The following RHOBTB3 variants were observed in gnomAD, a reference collection of about 807,000 sequenced individuals.
RHOBTB3 encodes the protein Rho related BTB domain containing 3.
Under a neutral mutation model 67.2 loss-of-function variants are expected in RHOBTB3, and 47 were observed. The ratio of observed to expected loss-of-function variants is 0.70; its 90% CI spans 0.55 to 0.89. The LOEUF (loss-of-function observed/expected upper bound fraction) is 0.89, where lower values mean the gene tolerates loss of function less well. RHOBTB3 is among the 40% of genes least tolerant of loss of function. The pLI is 0.00. For synonymous variants in RHOBTB3, 273 were observed against 274.2 expected, an observed-to-expected ratio of 1.00 and a Z score of 0.04; for missense variants, 631 against 750.0, an observed-to-expected ratio of 0.84 and a Z score of 1.85.
At chr5:95,753,233 ATGTGTGTG>A (rs57615515) in intron 5 of RHOBTB3, among the ~76,000 whole-genome samples, 4,208 of 146,544 alleles carry the variant, frequency 0.029, 193 homozygotes, top group African/African-American at 0.095. Context: ...TGATGTGTGG[ATGTGTGTG>A]TGTGTGTGTG....
intron 3 of RHOBTB3, among the ~76,000 whole-genome samples, chr5:95,744,828 T>G (rs937640777): frequency 2.0e-5 from 3 of 152,144 alleles, no homozygotes; most frequent in African/African-American, 7.2e-5. Context: ...CCCAGCACTT[T>G]GGGTGACTGA....
intron 10 of RHOBTB3, among the ~76,000 whole-genome samples, chr5:95,786,789 A>T (rs576290004): frequency 6.6e-6 from 1 of 152,220 alleles, no homozygotes; most frequent in Middle Eastern, 3.4e-3. Context: ...ATGCCTTTTT[A>T]AAAATTCTGT....
rs770319652 is a variant in RHOBTB3 at position 95,780,444 on chromosome 5, G to C, written c.1456+19G>C. On this transcript the variant is annotated intron_variant, in intron 9 of 11. Transcript: ENST00000379982. ...TGCCCAGGTTAGCAATACAAATGTTGATAGTATCTCAGAATTCTTTCTTTC... is the reference window on the plus strand; with the variant it reads ...TGCCCAGGTTAGCAATACAAATGTTCATAGTATCTCAGAATTCTTTCTTTC... 3 of 1,602,706 alleles carry C rather than the reference G, an allele frequency of 1.9e-6. No homozygotes were observed. Among genetic ancestry groups the C allele is most frequent in the Middle Eastern group, 3.3e-4 (2 of 6,030 alleles).
chr5:95,784,255 A>G (rs542048774), intron 10 of RHOBTB3, among the ~76,000 whole-genome samples: 1 of 152,370 alleles, frequency 6.6e-6, no homozygotes, highest in South Asian at 2.1e-4. Context: ...ACTATGTCAC[A>G]TAGGCATTGT....
chr5:95,742,943 C>T (rs1044584854), intron 3 of RHOBTB3, among the ~76,000 whole-genome samples: 2 of 152,046 alleles, frequency 1.3e-5, no homozygotes, highest in Non-Finnish European at 2.9e-5. Context: ...TGCTGGCGGG[C>T]GCCTGTAGTC....
chr5:95,758,271 C>T (rs1263904010), intron 6 of RHOBTB3, among the ~76,000 whole-genome samples: 1 of 152,232 alleles, frequency 6.6e-6, no homozygotes, highest in Non-Finnish European at 1.5e-5. Flanking sequence ...AGTTATCCTT[C>T]TACCCTAGAC....
chr5:95,750,970 A>G (rs984754717), intron 4 of RHOBTB3, among the ~76,000 whole-genome samples: 24 of 152,210 alleles, frequency 1.6e-4, no homozygotes, highest in African/African-American at 4.3e-4. Flanking sequence ...ATGATGATGT[A>G]TTTGTCAAAA....
chr5:95,738,009 G>T (rs889156497), intron 3 of RHOBTB3, among the ~76,000 whole-genome samples: 2 of 152,188 alleles, frequency 1.3e-5, no homozygotes, highest in East Asian at 1.9e-4. Context: ...GCTAATTTCA[G>T]TTAGCATAAT....
intron 10 of RHOBTB3, 130 bp from the exon 11 acceptor site, chr5:95,788,631 AG>A: frequency 3.2e-6 from 2 of 619,056 alleles, no homozygotes; most frequent in Non-Finnish European, 5.6e-6. Flanking sequence ...GTATACTGAA[AG>A]CTGCATCAGG....
At chr5:95,770,391 AT>A (rs1292072539) in intron 8 of RHOBTB3, 1 of 227,656 alleles carries the variant, frequency 4.4e-6, no homozygotes, top group African/African-American at 2.3e-5. Context: ...AAAATAAAAA[AT>A]TGGTATAGAA....
chr5:95,749,365 T>C (rs1438705385), intron 4 of RHOBTB3, among the ~76,000 whole-genome samples: 1 of 152,226 alleles, frequency 6.6e-6, no homozygotes, highest in Non-Finnish European at 1.5e-5. Context: ...GTTCCACAGA[T>C]GACTACAGAA....
chr5:95,771,557 T>C (rs1745714607), intron 8 of RHOBTB3, among the ~76,000 whole-genome samples: 1 of 152,228 alleles, frequency 6.6e-6, no homozygotes, highest in African/African-American at 2.4e-5. Context: ...ACACAGACTT[T>C]ATATCATGCT....
At chr5:95,752,533 A>G (rs928404961) in intron 5 of RHOBTB3, among the ~76,000 whole-genome samples, 183 bp downstream of exon 5, 7 of 152,228 alleles carry the variant, frequency 4.6e-5, no homozygotes, top group Admixed American at 1.3e-4. Flanking sequence ...ATGCAAAAGC[A>G]GATTGGTACT....
rs372105539 is a variant in RHOBTB3, at chr5:95,748,396, A to G, written c.479A>G (p.Glu160Gly). 2 of 1,613,362 alleles carry G rather than the reference A, an allele frequency of 1.2e-6. No homozygotes were observed. The highest frequency in any genetic ancestry group is 2.7e-5 in the African/African-American group (2 of 74,924). The change falls in exon 4 of 12, where the codon GAA (glutamate) becomes GGA (glycine). Residue 160 changes from glutamate to glycine, a missense_variant. Coordinates refer to ENST00000379982, the MANE Select transcript of RHOBTB3 (RefSeq NM_014899.4). ...SDRGSCVSTT[E>G]GIQLAKELGA... is the part of the protein sequence containing the mutation. ...AGAGGGAGCTGTGTTAGTACAACTG[A>G]AGGGATCCAACTTGCAAAAGAACTA...
rs113420559 is a variant in RHOBTB3, at chr5:95,765,995, C to T, written c.1162-2051C>T. The stretch of plus-strand genomic sequence containing the variant: ...CTTTTTGACTGCTACTCTCGTTAAG[C>T]GTGGCGGTCACTTGACTCCCATGCC... On this transcript the variant is annotated intron_variant, in intron 7 of 11. Transcript: ENST00000379982. 1.7e-3 allele frequency among the ~76,000 whole-genome samples: 256 copies of T among 152,200 alleles called. 1 individual carries two copies. The highest frequency in any genetic ancestry group is 5.2e-3 in the African/African-American group (216 of 41,536).
At chr5:95,752,985 AGCCG>A (rs1227923505) in intron 5 of RHOBTB3, among the ~76,000 whole-genome samples, 1 of 152,098 alleles carries the variant, frequency 6.6e-6, no homozygotes, top group Non-Finnish European at 1.5e-5. Flanking sequence ...CAAAAAAATT[AGCCG>A]GGTGAGGTGG....
At position 95,755,742 on chromosome 5, in the gene RHOBTB3, C is replaced by G; in HGVS notation, c.1029C>G (p.Ile343Met). 1 of 1,613,616 alleles carries G rather than the reference C, an allele frequency of 6.2e-7. No individual in the cohort carries two copies. The highest frequency in any genetic ancestry group is 8.5e-7 in the Non-Finnish European group (1 of 1,179,958). Residue 343 changes from isoleucine (I) to methionine (M), a missense_variant, in exon 6 of 12, where the codon ATC (isoleucine) becomes ATG (methionine). Coordinates refer to ENST00000379982, the MANE Select transcript of RHOBTB3 (RefSeq NM_014899.4). ...TCTTCTGTTCTTGTTTATCAGACAT[C>G]CTTCGCTTCATTTATTCAGGTATCT... ...DALFCSCLSD[I>M]LRFIYSGAFQ...
chr5:95,755,074 T>C (rs545953117), intron 5 of RHOBTB3, among the ~76,000 whole-genome samples: 1 of 152,228 alleles, frequency 6.6e-6, no homozygotes, highest in South Asian at 2.1e-4. Flanking sequence ...TAAGAAGAAA[T>C]GTTATTTTAT....
chr5:95,755,189 G>GT (rs1745206484), intron 5 of RHOBTB3, among the ~76,000 whole-genome samples: 1 of 149,328 alleles, frequency 6.7e-6, no homozygotes, highest in African/African-American at 2.5e-5. Flanking sequence ...TGAATAATTA[G>GT]TTTATATATG....
Sources: gnomAD v4.1 joint callset for allele counts (sites outside exome capture counted in the v4.1 genomes callset) on GRCh38, gnomAD v4.1.1 for gene constraint, MANE v1.5 for transcripts, NCBI Gene and HGNC (gene_info 2026-07-23, HGNC 2026-07-21) for gene names.